The following NELL2 variants were observed in gnomAD, a reference collection of about 807,000 sequenced individuals.
NELL2 encodes neural EGFL like 2, also known as protein kinase C-binding protein NELL2.
Under a neutral mutation model 109.6 loss-of-function variants are expected in NELL2, and 41 were observed. The ratio of observed to expected loss-of-function variants is 0.37; its 90% CI spans 0.29 to 0.49. The LOEUF is 0.49. NELL2 is among the 20% of genes least tolerant of loss of function. The pLI is 0.98. For missense variants in NELL2, 900 were observed against 1,008.3 expected (o/e 0.89, Z 1.45); for synonymous variants, 355 against 344.7 (o/e 1.03, Z -0.33).
At chr12:44,861,160 A>C (rs1381042744) in intron 2 of NELL2, among the ~76,000 whole-genome samples, 3 of 152,204 alleles carry the variant, frequency 2.0e-5, no homozygotes, top group Non-Finnish European at 4.4e-5. Flanking sequence ...AGTAAGGACA[A>C]TTTTACGTTA....
chr12:44,644,577 AAAG>A (rs1203677413), intron 13 of NELL2, among the ~76,000 whole-genome samples: 9 of 92,786 alleles, frequency 9.7e-5, no homozygotes, highest in Admixed American at 4.7e-4. Flanking sequence ...CAGACAAAGT[AAAG>A]TATATATATA....
chr12:44,805,483 A>T (rs1942968554), intron 3 of NELL2, among the ~76,000 whole-genome samples: 1 of 151,930 alleles, frequency 6.6e-6, no homozygotes, highest in Non-Finnish European at 1.5e-5. Context: ...GTGAGAAAAC[A>T]GTGAGCTGTT....
upstream of NELL2, chr12:44,881,076 A>C (rs979063525): frequency 1.4e-4 from 22 of 152,136 alleles, no homozygotes; most frequent in East Asian, 4.2e-3. Context: ...TTAAAACCAC[A>C]CAAAAGGAAG....
chr12:44,588,099 CG>C (rs1238946667), intron 15 of NELL2, among the ~76,000 whole-genome samples: 1 of 149,390 alleles, frequency 6.7e-6, no homozygotes, highest in Non-Finnish European at 1.5e-5. Context: ...TGCAGGGAGG[CG>C]GAGGTTGCAG....
intron 15 of NELL2, among the ~76,000 whole-genome samples, chr12:44,582,387 G>A (rs1944353199): frequency 6.6e-6 from 1 of 152,026 alleles, no homozygotes; most frequent in African/African-American, 2.4e-5. Flanking sequence ...TGGGCAATAT[G>A]ATATTTGGAG....
chr12:44,711,757 A>G (rs1332304615), intron 10 of NELL2, among the ~76,000 whole-genome samples: 1 of 152,068 alleles, frequency 6.6e-6, no homozygotes, highest in Non-Finnish European at 1.5e-5. Flanking sequence ...CTTTTGAAAA[A>G]AAACAGTAAA....
intron 12 of NELL2, among the ~76,000 whole-genome samples, chr12:44,673,559 A>G (rs1052309697): frequency 8.5e-5 from 13 of 152,214 alleles, no homozygotes; most frequent in African/African-American, 2.9e-4. Flanking sequence ...AAGTAGAAAT[A>G]TTCTGACATA....
chr12:44,867,884 C>T (rs1372681924), intron 2 of NELL2, among the ~76,000 whole-genome samples: 1 of 151,962 alleles, frequency 6.6e-6, no homozygotes, highest in Admixed American at 6.6e-5. Context: ...CTTTGTGAGC[C>T]CGAGGCGGTC....
intron 9 of NELL2, among the ~76,000 whole-genome samples, chr12:44,716,940 G>A (rs946729729): frequency 5.9e-5 from 9 of 152,080 alleles, no homozygotes. Flanking sequence ...GACTCAAATA[G>A]GCAACTTGTG....
chr12:44,680,640 C>T (rs76467133), intron 12 of NELL2, among the ~76,000 whole-genome samples: 116 of 152,190 alleles, frequency 7.6e-4, no homozygotes, highest in African/African-American at 2.7e-3. Flanking sequence ...CTCATTAAAG[C>T]CAGCACCAAT....
intron 12 of NELL2, among the ~76,000 whole-genome samples, chr12:44,672,868 A>G (rs1025568407): frequency 6.6e-6 from 1 of 152,188 alleles, no homozygotes; most frequent in Non-Finnish European, 1.5e-5. Flanking sequence ...GACTTGTCCA[A>G]TCTTCTTTTA....
intron 9 of NELL2, among the ~76,000 whole-genome samples, chr12:44,769,924 A>C (rs1026269316): frequency 6.6e-6 from 1 of 152,142 alleles, no homozygotes; most frequent in Non-Finnish European, 1.5e-5. Flanking sequence ...AGTACATAAT[A>C]ATGAGATATT....
At chr12:44,601,595 T>A (rs1415256263) in intron 15 of NELL2, among the ~76,000 whole-genome samples, 1 of 152,142 alleles carries the variant, frequency 6.6e-6, no homozygotes, top group Non-Finnish European at 1.5e-5. Context: ...TCAGGGCATC[T>A]CCAGCTAACT....
chr12:44,682,179 C>A (rs1354329680), intron 12 of NELL2, among the ~76,000 whole-genome samples: 3 of 150,208 alleles, frequency 2.0e-5, no homozygotes. Context: ...AGATGGTGAG[C>A]ATTTTTTCAT....
chr12:44,818,080 C>T lies in NELL2; in HGVS notation c.185-1944G>A, dbSNP rs1022337886. Among the ~76,000 whole-genome samples the T allele has an allele frequency of 3.9e-5, 6 of 152,212 alleles. No homozygotes were observed. The South Asian group carries it at 1.2e-3, about 32-fold the overall frequency. On this transcript the variant is annotated intron_variant, in intron 2 of 19. Transcript: ENST00000429094. ...CATAACTCAAAAGCATAAGAGTAAT[C>T]TGAAACTTTTGCCACAATCAATGCA...
At chr12:44,906,473 C>T (rs552969827) in intron 1 of NELL2, among the ~76,000 whole-genome samples, 332 of 152,064 alleles carry the variant, frequency 2.2e-3, no homozygotes, top group Non-Finnish European at 3.8e-3. Flanking sequence ...AAAGTTACTG[C>T]AATAATCCAG....
At chr12:44,603,593 T>C (rs931062930) in intron 15 of NELL2, among the ~76,000 whole-genome samples, 1 of 152,166 alleles carries the variant, frequency 6.6e-6, no homozygotes, top group African/African-American at 2.4e-5. Context: ...GTTAAACACC[T>C]GATGGAATCT....
At chr12:44,541,717 C>A (rs1456094900) in intron 15 of NELL2, among the ~76,000 whole-genome samples, 2 of 152,084 alleles carry the variant, frequency 1.3e-5, no homozygotes, top group Non-Finnish European at 2.9e-5. Flanking sequence ...ACCGGGGTCC[C>A]CAAACATACT....
intron 12 of NELL2, among the ~76,000 whole-genome samples, chr12:44,690,278 C>CCT (rs1948859036): frequency 6.6e-6 from 1 of 152,022 alleles, no homozygotes; most frequent in Non-Finnish European, 1.5e-5. Context: ...CACTAAAATT[C>CCT]CTCTCCAGTT....
Sources: gnomAD v4.1 joint callset for allele counts (sites outside exome capture counted in the v4.1 genomes callset) on GRCh38, gnomAD v4.1.1 for gene constraint, MANE v1.5 for transcripts, NCBI Gene and HGNC (gene_info 2026-07-23, HGNC 2026-07-21) for gene names.